Variants in HERPUD2 observed in about 807,000 individuals in gnomAD.
HERPUD2 encodes the protein HERPUD family member 2, also known as homocysteine-responsive endoplasmic reticulum-resident ubiquitin-like domain member 2 protein.
In HERPUD2, 13 loss-of-function variants were observed where a neutral mutation model predicts 49.9. The observed-to-expected ratio is 0.26, with a 90% CI of 0.17 to 0.41. The LOEUF (loss-of-function observed/expected upper bound fraction) is 0.41, where lower values mean the gene tolerates loss of function less well. HERPUD2 is among the 10% of genes least tolerant of loss of function. HERPUD2 has a pLI of 1.00. For missense variants in HERPUD2, 449 were observed against 492.2 expected, an observed-to-expected ratio of 0.91 and a Z score of 0.83; for synonymous variants, 172 against 171.4, an observed-to-expected ratio of 1.00 and a Z score of -0.03.
At chr7:35,656,685 CCTTTTTT>C (rs1211260989) in intron 5 of HERPUD2, among the ~76,000 whole-genome samples, 1 of 152,042 alleles carries the variant, frequency 6.6e-6, no homozygotes, top group African/African-American at 2.4e-5. Flanking sequence ...AACTGATTTT[CCTTTTTT>C]CTTTTTTCTG....
At chr7:35,665,771 T>C (rs1785524119) in intron 5 of HERPUD2, among the ~76,000 whole-genome samples, 1 of 152,220 alleles carries the variant, frequency 6.6e-6, no homozygotes, top group African/African-American at 2.4e-5. Flanking sequence ...CTTAATATAC[T>C]TCGAAGAGCT....
At chr7:35,649,947 A>G (rs925140467) in intron 5 of HERPUD2, among the ~76,000 whole-genome samples, 16 of 152,166 alleles carry the variant, frequency 1.1e-4, no homozygotes, top group Middle Eastern at 3.4e-3. Context: ...CAGGTTCACT[A>G]TGGAGTTTCC....
At chr7:35,665,549 C>T (rs1042766456) in intron 5 of HERPUD2, among the ~76,000 whole-genome samples, 4 of 152,296 alleles carry the variant, frequency 2.6e-5, no homozygotes, top group African/African-American at 7.2e-5. Context: ...GGGAATTCCC[C>T]GACCCCTTGC....
At chr7:35,659,697 T>C (rs558548713) in intron 5 of HERPUD2, among the ~76,000 whole-genome samples, 4 of 152,322 alleles carry the variant, frequency 2.6e-5, no homozygotes, top group African/African-American at 7.2e-5. Flanking sequence ...AGAATCTGTA[T>C]AATCATTAAG....
chr7:35,681,854 A>G (rs1484467586), intron 2 of HERPUD2, among the ~76,000 whole-genome samples: 1 of 152,152 alleles, frequency 6.6e-6, no homozygotes, highest in Non-Finnish European at 1.5e-5. Flanking sequence ...AAGAATGGGG[A>G]GTGACTGCCA....
intron 5 of HERPUD2, among the ~76,000 whole-genome samples, chr7:35,643,834 TA>T (rs979220337): frequency 0.01 from 1,472 of 143,862 alleles, 24 homozygotes; most frequent in African/African-American, 0.034. Context: ...AGAAAGCTGT[TA>T]AAAAAAAAAA....
rs559640946 is a variant in HERPUD2 at position 35,659,316 on chromosome 7, A to G, written c.494+8118T>C. On this transcript the variant is annotated intron_variant, in intron 5 of 8. Transcript: ENST00000311350. ...ACCTAATTACTGAACCGTCACATCAATTGCTTTATAAATCAACAAATACTC... is the reference window on the plus strand; with the variant it reads ...ACCTAATTACTGAACCGTCACATCAGTTGCTTTATAAATCAACAAATACTC... Among the ~76,000 whole-genome samples, 6 of 152,318 alleles carry G rather than the reference A, an allele frequency of 3.9e-5. No individual in the cohort carries two copies. The East Asian group carries it at 1.2e-3, about 29-fold the overall frequency.
intron 2 of HERPUD2, among the ~76,000 whole-genome samples, chr7:35,680,919 T>C (rs1410776657): frequency 6.6e-6 from 1 of 152,216 alleles, no homozygotes; most frequent in East Asian, 1.9e-4. Context: ...ACAGAGTATA[T>C]GCTAAGTGTA....
chr7:35,659,335 A>G (rs1785357913), intron 5 of HERPUD2, among the ~76,000 whole-genome samples: 1 of 152,204 alleles, frequency 6.6e-6, no homozygotes, highest in East Asian at 1.9e-4. Flanking sequence ...TAAATCAACA[A>G]ATACTCTCTC....
chr7:35,646,490 A>G (rs972324351), intron 5 of HERPUD2, among the ~76,000 whole-genome samples: 1 of 152,184 alleles, frequency 6.6e-6, no homozygotes. Flanking sequence ...TGAAACCAGA[A>G]GTTCAAGGCT....
intron 5 of HERPUD2, among the ~76,000 whole-genome samples, chr7:35,648,057 C>T (rs1785087609): frequency 6.6e-6 from 1 of 152,112 alleles, no homozygotes; most frequent in African/African-American, 2.4e-5. Flanking sequence ...CAACTTATCA[C>T]GTTAGCAAGT....
intron 5 of HERPUD2, among the ~76,000 whole-genome samples, chr7:35,651,580 A>G (rs1232769118): frequency 6.6e-6 from 1 of 152,226 alleles, no homozygotes; most frequent in Non-Finnish European, 1.5e-5. Flanking sequence ...TCTTTAGGAA[A>G]AAGTGCCCCC....
At chr7:35,668,691 C>A (rs1785588519) in intron 4 of HERPUD2, 1 of 154,024 alleles carries the variant, frequency 6.5e-6, no homozygotes, top group Non-Finnish European at 1.5e-5. Flanking sequence ...TTACTTCACA[C>A]ACAATAGATA....
At position 35,670,243 on chromosome 7, in the gene HERPUD2, T is replaced by A; in HGVS notation, c.311A>T (p.His104Leu). 1 of 1,583,052 alleles carries A rather than the reference T, an allele frequency of 6.3e-7. No individual in the cohort carries two copies. The highest frequency in any genetic ancestry group is 1.1e-5 in the South Asian group (1 of 87,430). Reference protein sequence around the residue: ...SPKSSTNRESHEALASSSNSS... With the variant: ...SPKSSTNRESLEALASSSNSS... ...ATTGCTGCTGGATGCCAATGCTTCA[T>A]GACTTTCTCTATTGGTGCTGGATTT... The change falls in exon 4 of 9, where the codon CAT becomes CTT. Residue 104 changes from histidine to leucine, a missense_variant. By Grantham distance (99) the His-to-Leu change is moderately conservative. Coordinates refer to ENST00000311350, the MANE Select transcript of HERPUD2 (RefSeq NM_022373.5).
rs1562686239 is a variant in HERPUD2, at chr7:35,682,339, GTGTGTGTGTGTGTGTGTGTATATATA to G, written c.148-9087_148-9062del. Among the ~76,000 whole-genome samples the G allele has an allele frequency of 2.6e-4, 6 of 22,700 alleles. 2 individuals carry two copies. Among genetic ancestry groups the G allele is most frequent in the African/African-American group, 9.1e-4 (6 of 6,560 alleles). The allele number at this position is 22,700 out of a possible 152,430, so 14.9% of individuals were successfully genotyped here. A position where few individuals can be genotyped will look rare whatever the true frequency, so the allele number is the denominator to read the frequency against. ...TACACATACACACGTGTGTGTGTGT[GTGTGTGTGTGTGTGTGTGTATATATA>G]TATATATATATATATATATATACTT... On this transcript the variant is annotated intron_variant, in intron 2 of 8. Coordinates refer to ENST00000311350, the MANE Select transcript of HERPUD2 (RefSeq NM_022373.5).
intron 4 of HERPUD2, among the ~76,000 whole-genome samples, chr7:35,669,995 A>C (rs1785609936): frequency 6.6e-6 from 1 of 151,972 alleles, no homozygotes; most frequent in Non-Finnish European, 1.5e-5. Flanking sequence ...CCATACAGCA[A>C]ATTATAACTC....
intron 2 of HERPUD2, among the ~76,000 whole-genome samples, chr7:35,693,676 C>T (rs1368459011): frequency 6.6e-6 from 1 of 151,958 alleles, no homozygotes; most frequent in Non-Finnish European, 1.5e-5. Context: ...CTCACTGTGC[C>T]ACTCAGGCTG....
intron 5 of HERPUD2, 38 bp downstream of exon 5, chr7:35,667,396 C>A (rs1488460366): frequency 6.3e-7 from 1 of 1,575,068 alleles, no homozygotes; most frequent in Admixed American, 1.7e-5. Flanking sequence ...TTTTAGGGGG[C>A]CCCAATCACA....
At chr7:35,656,465 T>A (rs1372481458) in intron 5 of HERPUD2, among the ~76,000 whole-genome samples, 1 of 151,328 alleles carries the variant, frequency 6.6e-6, no homozygotes, top group Non-Finnish European at 1.5e-5. Flanking sequence ...AGAAAAAAAA[T>A]CCTAAAATTC....
Sources: gnomAD v4.1 joint callset for allele counts (sites outside exome capture counted in the v4.1 genomes callset) on GRCh38, gnomAD v4.1.1 for gene constraint, MANE v1.5 for transcripts, NCBI Gene and HGNC (gene_info 2026-07-23, HGNC 2026-07-21) for gene names.